Variants in SCAPER observed in about 807,000 individuals in gnomAD.
SCAPER encodes the protein S-phase cyclin A associated protein in the ER.
A neutral mutation model predicts 182.2 loss-of-function variants in SCAPER; 98 were observed. The observed-to-expected ratio is 0.54, with a 90% CI of 0.46 to 0.64. The LOEUF is 0.64. Ranked by LOEUF, SCAPER falls within the 30% of genes least tolerant of loss-of-function variation. The pLI is 0.00. For missense variants in SCAPER, 1,432 were observed against 1,690.0 expected, an observed-to-expected ratio of 0.85 and a Z score of 2.68; for synonymous variants, 605 against 564.6, an observed-to-expected ratio of 1.07 and a Z score of -1.01.
chr15:76,761,346 G>A (rs1452119191), intron 14 of SCAPER, among the ~76,000 whole-genome samples: 6 of 151,406 alleles, frequency 4.0e-5, no homozygotes, highest in Non-Finnish European at 5.9e-5. Flanking sequence ...TGCTCTAATC[G>A]TTATTTCTTT....
At chr15:76,831,431 G>GCA (rs1568280552) in intron 5 of SCAPER, among the ~76,000 whole-genome samples, 1 of 151,322 alleles carries the variant, frequency 6.6e-6, no homozygotes, top group African/African-American at 2.4e-5. Context: ...GACCCTGCCG[G>GCA]CACACACACA....
chr15:76,713,578 A>G (rs1239059584), intron 17 of SCAPER, among the ~76,000 whole-genome samples: 3 of 151,872 alleles, frequency 2.0e-5, no homozygotes, highest in Admixed American at 2.0e-4. Context: ...GAAATGAACA[A>G]TGAGAACACA....
intron 20 of SCAPER, among the ~76,000 whole-genome samples, chr15:76,681,487 C>T (rs1357749427): frequency 6.6e-6 from 1 of 152,154 alleles, no homozygotes; most frequent in Admixed American, 6.5e-5. Context: ...CCAGGAGGAA[C>T]ATCTATCACC....
At chr15:76,724,260 C>T (rs541585487) in intron 17 of SCAPER, among the ~76,000 whole-genome samples, 30 of 152,136 alleles carry the variant, frequency 2.0e-4, no homozygotes, top group Non-Finnish European at 3.8e-4. Context: ...GGCCCCCATT[C>T]TCTTCTGGCT....
chr15:76,777,319 GA>G (rs2063802384), intron 8 of SCAPER, among the ~76,000 whole-genome samples: 1 of 152,116 alleles, frequency 6.6e-6, no homozygotes, highest in African/African-American at 2.4e-5. Flanking sequence ...ACAGATAAAA[GA>G]AAAACTAAGA....
intron 26 of SCAPER, among the ~76,000 whole-genome samples, chr15:76,425,541 C>CT (rs1567113098): frequency 1.3e-5 from 2 of 152,110 alleles, no homozygotes; most frequent in Admixed American, 6.5e-5. Flanking sequence ...AGGTTTTTCG[C>CT]TTTTTTGCAG....
chr15:76,901,050 A>G (rs1055313262), intron 1 of SCAPER, among the ~76,000 whole-genome samples: 3 of 152,138 alleles, frequency 2.0e-5, no homozygotes, highest in African/African-American at 7.2e-5. Context: ...TAATTGAAAA[A>G]TATGTGTATT....
intron 24 of SCAPER, among the ~76,000 whole-genome samples, chr15:76,481,259 T>C (rs2051113679): frequency 6.6e-6 from 1 of 152,370 alleles, no homozygotes; most frequent in Middle Eastern, 3.4e-3. Context: ...TTTATAAATA[T>C]GCTGGGAGGC....
intron 4 of SCAPER, among the ~76,000 whole-genome samples, chr15:76,847,573 C>T (rs1310827260): frequency 6.6e-6 from 1 of 152,176 alleles, no homozygotes; most frequent in Non-Finnish European, 1.5e-5. Flanking sequence ...CAAAGTATCT[C>T]ATGTACCCCA....
At chr15:76,830,005 G>GT (rs1331434057) in intron 5 of SCAPER, among the ~76,000 whole-genome samples, 9 of 152,180 alleles carry the variant, frequency 5.9e-5, no homozygotes, top group Admixed American at 5.9e-4. Flanking sequence ...AGTCTGAAAC[G>GT]TAAGTTAGGC....
chr15:76,656,749 A>G (rs2055672199), intron 21 of SCAPER, among the ~76,000 whole-genome samples: 1 of 152,206 alleles, frequency 6.6e-6, no homozygotes, highest in African/African-American at 2.4e-5. Flanking sequence ...AAGAGTGCTT[A>G]AAACCATACA....
intron 17 of SCAPER, among the ~76,000 whole-genome samples, chr15:76,721,964 T>A (rs1028271302): frequency 6.6e-6 from 1 of 152,184 alleles, no homozygotes; most frequent in Non-Finnish European, 1.5e-5. Flanking sequence ...CAACACTATG[T>A]TGAATAGGAG....
chr15:76,476,135 C>T lies in SCAPER; in HGVS notation c.2955-4800G>A, dbSNP rs191886443. On this transcript the variant is annotated intron_variant, in intron 24 of 31. Coordinates refer to ENST00000563290, the MANE Select transcript of SCAPER (RefSeq NM_020843.4). Reference sequence around the variant, plus strand: ...ATTAGCAAGGTTTGGAAACATGAGGCTTTCCTGCAGCAGCATTCTGGGGTC... The same window carrying T: ...ATTAGCAAGGTTTGGAAACATGAGGTTTTCCTGCAGCAGCATTCTGGGGTC... 5.7e-3 allele frequency among the ~76,000 whole-genome samples: 864 copies of T among 152,326 alleles called. 4 individuals carry two copies. The highest frequency in any genetic ancestry group is 7.4e-3 in the Non-Finnish European group (504 of 68,022).
chr15:76,783,102 T>C (rs2151397853), intron 8 of SCAPER, among the ~76,000 whole-genome samples: 1 of 152,248 alleles, frequency 6.6e-6, no homozygotes, highest in Middle Eastern at 3.4e-3. Flanking sequence ...AGGTGTTTTT[T>C]TTGAAAAGAT....
chr15:76,485,792 C>T lies in SCAPER; in HGVS notation c.2955-14457G>A, dbSNP rs190811077. 9.7e-4 allele frequency among the ~76,000 whole-genome samples: 148 copies of T among 152,270 alleles called. 3 individuals are homozygous for T. Among genetic ancestry groups the T allele is most frequent in the Middle Eastern group, 3.4e-3 (1 of 294 alleles). On this transcript the variant is annotated intron_variant, in intron 24 of 31. Transcript: ENST00000563290. The stretch of plus-strand genomic sequence containing the variant: ...AAAAACAAGCAATGGGGAAAAGACT[C>T]CCTATTCAATAAACGGTGCTGGGAT...
At chr15:76,695,152 T>C (rs1489157042) in intron 20 of SCAPER, among the ~76,000 whole-genome samples, 1 of 152,224 alleles carries the variant, frequency 6.6e-6, no homozygotes, top group African/African-American at 2.4e-5. Flanking sequence ...AATTAGCTAC[T>C]AGTGTAACTC....
chr15:76,795,660 G>C (rs1294553755), intron 7 of SCAPER, among the ~76,000 whole-genome samples: 1 of 152,078 alleles, frequency 6.6e-6, no homozygotes, highest in Non-Finnish European at 1.5e-5. Context: ...AACAGAAAAG[G>C]ATAAAAGCCC....
Position 76,869,500 on chromosome 15 carries a change from T to C in SCAPER, c.7-6967A>G, listed in dbSNP as rs140782516. Among the ~76,000 whole-genome samples the C allele has an allele frequency of 2.3e-3, 348 of 152,070 alleles. 1 individual carries two copies. The highest frequency in any genetic ancestry group is 0.014 in the Middle Eastern group (4 of 294). ...AGATATACAAAATGGCCAACAGATA[T>C]ATGAAAAAAGACTCATCACTAATCA... On this transcript the variant is annotated intron_variant, in intron 2 of 31. Transcript: ENST00000563290.
At chr15:76,647,667 T>A (rs1462395997) in intron 21 of SCAPER, among the ~76,000 whole-genome samples, 1 of 152,230 alleles carries the variant, frequency 6.6e-6, no homozygotes, top group Non-Finnish European at 1.5e-5. Flanking sequence ...CATGTTAATC[T>A]GCTGAATGAG....
Sources: allele counts gnomAD v4.1 joint callset (sites outside exome capture counted in the v4.1 genomes callset), GRCh38; gene constraint gnomAD v4.1.1; transcripts MANE v1.5; gene names NCBI Gene and HGNC (gene_info 2026-07-23, HGNC 2026-07-21).